CACNB2: variants seen among roughly 807,000 people sequenced by gnomAD.
CACNB2 encodes the protein voltage-dependent L-type calcium channel subunit beta-2.
In CACNB2, 42 loss-of-function variants were observed where a neutral mutation model predicts 73.3. The ratio of observed to expected loss-of-function variants is 0.57; its 90% CI spans 0.45 to 0.74. The LOEUF (loss-of-function observed/expected upper bound fraction) is 0.74, where lower values mean the gene tolerates loss of function less well. Ranked by LOEUF, CACNB2 falls within the 30% of genes least tolerant of loss-of-function variation. The pLI, the probability that CACNB2 is intolerant of heterozygous loss-of-function variation, is 0.00. For synonymous variants in CACNB2, 348 were observed against 310.3 expected, an observed-to-expected ratio of 1.12 and a Z score of -1.28; for missense variants, 940 against 853.0, an observed-to-expected ratio of 1.10 and a Z score of -1.27.
At chr10:18,191,047 C>T (rs1250224652) in intron 2 of CACNB2, among the ~76,000 whole-genome samples, 1 of 152,200 alleles carries the variant, frequency 6.6e-6, no homozygotes, top group Non-Finnish European at 1.5e-5. Context: ...TTACAGTAAA[C>T]CAGGTGCGGG....
chr10:18,226,733 C>T (rs1475981710), intron 2 of CACNB2, among the ~76,000 whole-genome samples: 3 of 152,132 alleles, frequency 2.0e-5, no homozygotes, highest in Non-Finnish European at 4.4e-5. Flanking sequence ...CAGGTATAAT[C>T]TCATTTAAAT....
intron 2 of CACNB2, among the ~76,000 whole-genome samples, chr10:18,226,899 G>T (rs2036013215): frequency 6.6e-6 from 1 of 152,042 alleles, no homozygotes; most frequent in South Asian, 2.1e-4. Context: ...TTCAGATGTT[G>T]CTACTATCCA....
At chr10:18,224,005 T>A (rs2035891487) in intron 2 of CACNB2, among the ~76,000 whole-genome samples, 1 of 143,586 alleles carries the variant, frequency 7.0e-6, no homozygotes, top group South Asian at 2.2e-4. Flanking sequence ...TTTTTTTTTG[T>A]CCTGGGAAAA....
intron 2 of CACNB2, among the ~76,000 whole-genome samples, chr10:18,201,477 G>A (rs1177230274): frequency 6.6e-6 from 1 of 152,110 alleles, no homozygotes; most frequent in Non-Finnish European, 1.5e-5. Context: ...GTTTCACCAT[G>A]TTGGACAAGC....
At chr10:18,142,509 G>A (rs2030526303) in intron 1 of CACNB2, among the ~76,000 whole-genome samples, 1 of 152,200 alleles carries the variant, frequency 6.6e-6, no homozygotes, top group Non-Finnish European at 1.5e-5. Context: ...ATTCTAGGAT[G>A]AAGGTCTTGA....
In CACNB2 at chr10:18,188,519, G is replaced by T. The variant is rs553276676; in HGVS notation, c.213+37544G>T. Reference sequence around the variant, plus strand: ...AGGGTCTTACTGTGTTGCCCAGGCTGCTCTGGAACTCCTGGGCTCAAGAGA... The same window carrying T: ...AGGGTCTTACTGTGTTGCCCAGGCTTCTCTGGAACTCCTGGGCTCAAGAGA... On this transcript the variant is annotated intron_variant, in intron 2 of 13. Coordinates refer to ENST00000324631, the MANE Select transcript of CACNB2 (RefSeq NM_201596.3). 4.2e-5 allele frequency among the ~76,000 whole-genome samples: 6 copies of T among 142,094 alleles called. No individual in the cohort carries two copies. The East Asian group carries it at 1.2e-3, about 28-fold the overall frequency. 93.2% of individuals were successfully genotyped at this position (142,094 alleles called of 152,430 possible). A position where few individuals can be genotyped will look rare whatever the true frequency, so the allele number is the denominator to read the frequency against.
chr10:18,213,288 T>G (rs1245982707), intron 2 of CACNB2, among the ~76,000 whole-genome samples: 2 of 152,206 alleles, frequency 1.3e-5, no homozygotes, highest in Non-Finnish European at 2.9e-5. Flanking sequence ...GACCTTGGTT[T>G]TCTCACGTGT....
At chr10:18,165,328 C>T (rs2032773450) in intron 2 of CACNB2, among the ~76,000 whole-genome samples, 1 of 152,166 alleles carries the variant, frequency 6.6e-6, no homozygotes, top group Non-Finnish European at 1.5e-5. Flanking sequence ...TGGCTGAGTC[C>T]AGATAGGTAC....
At position 18,428,041 on chromosome 10, in the gene CACNB2, G is replaced by A. The variant is rs973329691; in HGVS notation, c.333+25998G>A. ...TGTATCTCACAAAATTTCATATGTA[G>A]TATTTCATTATTGTTCAGTTCTAAG... is the stretch of plus-strand genomic sequence containing the variant. On this transcript the variant is annotated intron_variant, in intron 3 of 13. Transcript: ENST00000324631. 4.6e-5 allele frequency among the ~76,000 whole-genome samples: 7 copies of A among 151,998 alleles called. No homozygotes were observed. In the East Asian group the frequency reaches 9.7e-4, roughly 21 times the overall value.
intron 3 of CACNB2, among the ~76,000 whole-genome samples, chr10:18,402,571 C>A (rs1304882243): frequency 6.6e-6 from 1 of 152,156 alleles, no homozygotes; most frequent in Non-Finnish European, 1.5e-5. Context: ...AGTTTCTTCT[C>A]TTAGAACATG....
intron 2 of CACNB2, among the ~76,000 whole-genome samples, chr10:18,153,353 C>G (rs1254505610): frequency 1.3e-5 from 2 of 152,042 alleles, no homozygotes; most frequent in African/African-American, 4.8e-5. Flanking sequence ...AAAAGGAAAA[C>G]TAGCGTCTTT....
At chr10:18,524,541 G>C (rs574737379) in intron 9 of CACNB2, among the ~76,000 whole-genome samples, 1 of 151,584 alleles carries the variant, frequency 6.6e-6, no homozygotes, top group East Asian at 2.0e-4. Context: ...TGTAATCCCA[G>C]CTACTCAGGA....
chr10:18,319,187 G>C (rs1034641338), intron 2 of CACNB2, among the ~76,000 whole-genome samples: 1 of 152,080 alleles, frequency 6.6e-6, no homozygotes, highest in Admixed American at 6.6e-5. Flanking sequence ...GCAAAGACTT[G>C]GAGCCAACCC....
At position 18,343,300 on chromosome 10, in the gene CACNB2, T is replaced by C. The variant is rs370144878; in HGVS notation, c.214-58624T>C. Among the ~76,000 whole-genome samples, 9 of 152,258 alleles carry C rather than the reference T, an allele frequency of 5.9e-5. No homozygotes were observed. The East Asian group carries it at 1.7e-3, about 29-fold the overall frequency. ...CTCCAAATAACAATGATCTCTCTGA[T>C]TTGGGCAGGTTTTTTTTTATTATTA... is the stretch of plus-strand genomic sequence containing the variant. On this transcript the variant is annotated intron_variant, in intron 2 of 13. Transcript: ENST00000324631.
intron 2 of CACNB2, among the ~76,000 whole-genome samples, chr10:18,201,609 A>G (rs1354279677): frequency 6.6e-6 from 1 of 152,182 alleles, no homozygotes; most frequent in Non-Finnish European, 1.5e-5. Context: ...ATAATTTTAC[A>G]TATTTATAAG....
In CACNB2 at chr10:18,304,896, C is replaced by G. The variant is rs116707342; in HGVS notation, c.214-97028C>G. Among the ~76,000 whole-genome samples, 1,263 of 152,320 alleles carry G rather than the reference C, an allele frequency of 8.3e-3. 22 individuals carry two copies. The highest frequency in any genetic ancestry group is 0.028 in the African/African-American group (1,161 of 41,572). The stretch of plus-strand genomic sequence containing the variant: ...GGTCATGCTGTACATTTCAATCCCA[C>G]TTTTTATTTCCTCTGCAGAAAGATG... On this transcript the variant is annotated intron_variant, in intron 2 of 13. Transcript: ENST00000324631.
chr10:18,243,796 T>C (rs1255318835), intron 2 of CACNB2, among the ~76,000 whole-genome samples: 2 of 152,192 alleles, frequency 1.3e-5, no homozygotes, highest in African/African-American at 4.8e-5. Context: ...CCTCACCAGA[T>C]ACAGCTGCCC....
intron 2 of CACNB2, chr10:18,260,986 C>T: frequency 6.6e-6 from 9 of 1,366,342 alleles, no homozygotes; most frequent in Non-Finnish European, 8.5e-6. Flanking sequence ...AAAATTAATG[C>T]TACTTCTTGT....
intron 2 of CACNB2, among the ~76,000 whole-genome samples, chr10:18,283,564 T>A (rs765981188): frequency 6.6e-6 from 1 of 150,556 alleles, no homozygotes; most frequent in Non-Finnish European, 1.5e-5. Context: ...GCAAACTATC[T>A]CAAAGACAGA....
Sources: gnomAD v4.1 joint callset for allele counts (sites outside exome capture counted in the v4.1 genomes callset) on GRCh38, gnomAD v4.1.1 for gene constraint, MANE v1.5 for transcripts, NCBI Gene and HGNC (gene_info 2026-07-23, HGNC 2026-07-21) for gene names.